SCN3B: variants seen among roughly 807,000 people sequenced by gnomAD.
The protein encoded by SCN3B is sodium voltage-gated channel beta subunit 3, also known as sodium channel regulatory subunit beta-3.
In SCN3B, 11 loss-of-function variants were observed where a neutral mutation model predicts 25.4. The ratio of observed to expected loss-of-function variants is 0.43; its 90% CI spans 0.27 to 0.72. The LOEUF (loss-of-function observed/expected upper bound fraction) is 0.72, where lower values mean the gene tolerates loss of function less well. SCN3B is among the 30% of genes least tolerant of loss of function. SCN3B has a pLI of 0.18. For missense variants in SCN3B, 218 were observed against 278.3 expected (o/e 0.78, Z 1.54); for synonymous variants, 109 against 110.7 (o/e 0.99, Z 0.09).
chr11:123,645,036 TAGG>T (rs768556337), intron 3 of SCN3B, among the ~76,000 whole-genome samples: 3 of 151,806 alleles, frequency 2.0e-5, no homozygotes, highest in African/African-American at 7.3e-5. Context: ...TTCAGCCACT[TAGG>T]AGACTCGGCA....
chr11:123,648,016 AT>A (rs1955873766), intron 2 of SCN3B, among the ~76,000 whole-genome samples: 1 of 152,346 alleles, frequency 6.6e-6, no homozygotes, highest in African/African-American at 2.4e-5. Flanking sequence ...AGTCTGAAGT[AT>A]TGATTATAGA....
In SCN3B at chr11:123,633,040, A is replaced by G. The variant is rs1041951738; in HGVS notation, c.*759T>C. On this transcript the variant is annotated 3_prime_UTR_variant, in exon 7 of 7. Coordinates refer to ENST00000299333, the MANE Select transcript of SCN3B (RefSeq NM_001040151.2). ...GTGTGCCCACAGGGAGGGCACACAT[A>G]CATTATCGCAATAGGATCAGGAACG... 1.3e-5 allele frequency: 2 copies of G among 152,234 alleles called. No individual in the cohort carries two copies. The highest frequency in any genetic ancestry group is 2.9e-5 in the Non-Finnish European group (2 of 68,042). 9.4% of individuals were successfully genotyped at this position (152,234 alleles called of 1,614,324 possible).
At chr11:123,640,011 C>T (rs1439061063) in intron 4 of SCN3B, 1 of 152,170 alleles carries the variant, frequency 6.6e-6, no homozygotes, top group East Asian at 1.9e-4. Context: ...TGCAGTTATC[C>T]ATTGGATCTA....
In SCN3B at chr11:123,629,280, G is replaced by C. The variant is rs1407812870; in HGVS notation, c.*4519C>G. The stretch of plus-strand genomic sequence containing the variant: ...CGTTGTTGAGGGCTTAGGTGGTCAG[G>C]AACATTTCCAGAGTTTGGATTGTGT... On this transcript the variant is annotated 3_prime_UTR_variant, in exon 7 of 7. Transcript: ENST00000299333. The C allele has an allele frequency of 6.6e-6, 1 of 152,200 alleles. No homozygotes were observed. Among genetic ancestry groups the C allele is most frequent in the African/African-American group, 2.4e-5 (1 of 41,444 alleles). The allele number at this position is 152,200 out of a possible 1,614,324, so 9.4% of individuals were successfully genotyped here.
rs1376811489 is a variant in SCN3B at position 123,642,897 on chromosome 11, C to T, written c.220-226G>A. Among the ~76,000 whole-genome samples the T allele has an allele frequency of 6.6e-6, 1 of 151,790 alleles. No individual in the cohort carries two copies. Among genetic ancestry groups the T allele is most frequent in the Non-Finnish European group, 1.5e-5 (1 of 67,942 alleles). ...AAGGACAGGCAGAGGCAGCAGGCAT[C>T]AGGGCATGTGGACGTGGTGAGGACA... On this transcript the variant is annotated intron_variant, in intron 3 of 6. Coordinates refer to ENST00000299333, the MANE Select transcript of SCN3B (RefSeq NM_001040151.2). This position sits in a 1 kb window ranked among gnomAD's most constrained non-coding sequence, Gnocchi z 4.3.
chr11:123,644,796 AGAGAATATATAT>A (rs1295031708), intron 3 of SCN3B, among the ~76,000 whole-genome samples: 28 of 53,458 alleles, frequency 5.2e-4, no homozygotes, highest in Admixed American at 2.6e-3. Context: ...AGAGAGAGAG[AGAGAATATATAT>A]ATATATATAT....
Position 123,642,130 on chromosome 11 carries a change from G to A in SCN3B, c.445+316C>T, listed in dbSNP as rs954956316. On this transcript the variant is annotated intron_variant, in intron 4 of 6. Transcript: ENST00000299333. This position sits in a 1 kb window ranked among gnomAD's most constrained non-coding sequence, Gnocchi z 4.3. ...CAGGGATTCAACATAGGCCAAAGAA[G>A]AAGGCCTAGCTGAATCAGTAGCTTT... Among the ~76,000 whole-genome samples the A allele has an allele frequency of 2.1e-4, 32 of 152,312 alleles. No homozygotes were observed. The highest frequency in any genetic ancestry group is 7.5e-4 in the African/African-American group (31 of 41,564).
intron 4 of SCN3B, chr11:123,641,153 A>ACC (rs72552142): frequency 2.0e-5 from 3 of 152,332 alleles, no homozygotes; most frequent in African/African-American, 7.3e-5. Context: ...CCAGGGCCCC[A>ACC]CCCCCCAGAG....
In SCN3B at chr11:123,632,808, A is replaced by C. The variant is rs1955687087; in HGVS notation, c.*991T>G. 6.6e-6 allele frequency: 1 copy of C among 152,362 alleles called. No individual in the cohort carries two copies. The highest frequency in any genetic ancestry group is 2.4e-5 in the African/African-American group (1 of 41,438). The allele number at this position is 152,362 out of a possible 1,614,324, so 9.4% of individuals were successfully genotyped here. On this transcript the variant is annotated 3_prime_UTR_variant, in exon 7 of 7. Coordinates refer to ENST00000299333, the MANE Select transcript of SCN3B (RefSeq NM_001040151.2). Reference sequence around the variant, plus strand: ...ATCTCAAACAAAAAAAACAAAAAACAAAACAAACAAAAACATCCATCCCAG... The same window carrying C: ...ATCTCAAACAAAAAAAACAAAAAACCAAACAAACAAAAACATCCATCCCAG...
intron 5 of SCN3B, among the ~76,000 whole-genome samples, chr11:123,635,673 G>A (rs547256052): frequency 1.7e-4 from 26 of 150,978 alleles, no homozygotes; most frequent in African/African-American, 6.3e-4. Context: ...GCAACAGAGC[G>A]AGACTCTGTC....
chr11:123,644,800 A>AGAGAGAGAGAGAGAATAT (rs1272015067), intron 3 of SCN3B, among the ~76,000 whole-genome samples: 3 of 45,578 alleles, frequency 6.6e-5, no homozygotes, highest in African/African-American at 2.3e-4. Flanking sequence ...AGAGAGAGAG[A>AGAGAGAGAGAGAGAATAT]ATATATATAT....
intron 5 of SCN3B, among the ~76,000 whole-genome samples, chr11:123,636,787 A>G (rs532815034): frequency 6.6e-6 from 1 of 151,432 alleles, no homozygotes; most frequent in South Asian, 2.1e-4. Flanking sequence ...TCCGCCTCCC[A>G]GGTTCACGCC....
intron 3 of SCN3B, among the ~76,000 whole-genome samples, chr11:123,644,911 T>C (rs1222779108): frequency 6.7e-6 from 1 of 148,904 alleles, no homozygotes; most frequent in Non-Finnish European, 1.5e-5. Flanking sequence ...ACTTTGCCAC[T>C]GGCACCAACC....
chr11:123,644,856 T>TAC (rs1403771515), intron 3 of SCN3B, among the ~76,000 whole-genome samples: 1 of 142,490 alleles, frequency 7.0e-6, no homozygotes, highest in Admixed American at 7.0e-5. Flanking sequence ...CACACATATA[T>TAC]ACACACACAC....
intron 2 of SCN3B, among the ~76,000 whole-genome samples, chr11:123,650,113 T>C (rs901941675): frequency 6.6e-6 from 1 of 152,188 alleles, no homozygotes; most frequent in Non-Finnish European, 1.5e-5. Flanking sequence ...CTTGGAATAA[T>C]GTTGACCAAA....
chr11:123,643,857 G>A (rs1409711932), intron 3 of SCN3B, among the ~76,000 whole-genome samples: 2 of 152,196 alleles, frequency 1.3e-5, no homozygotes, highest in African/African-American at 4.8e-5. Context: ...CTTCATTGAC[G>A]TGTCACTGTC....
At chr11:123,648,613 G>C (rs1368439189) in intron 2 of SCN3B, among the ~76,000 whole-genome samples, 2 of 149,540 alleles carry the variant, frequency 1.3e-5, no homozygotes, top group African/African-American at 4.9e-5. Flanking sequence ...TAAAACAGGA[G>C]AGAGTGTGTG....
chr11:123,644,810 T>G (rs1275229097), intron 3 of SCN3B, among the ~76,000 whole-genome samples: 11 of 61,512 alleles, frequency 1.8e-4, no homozygotes, highest in Admixed American at 8.8e-4. Context: ...AATATATATA[T>G]ATATATATAT....
chr11:123,653,128 G>T (rs1333839276), intron 2 of SCN3B, among the ~76,000 whole-genome samples: 1 of 150,516 alleles, frequency 6.6e-6, no homozygotes, highest in African/African-American at 2.5e-5. Context: ...AGTTCCACAG[G>T]TTCATGCAAC....
Sources: gnomAD v4.1 joint callset for allele counts (sites outside exome capture counted in the v4.1 genomes callset) on GRCh38, gnomAD v4.1.1 for gene constraint, Gnocchi (gnomAD v3.1) non-coding constraint, MANE v1.5 for transcripts, NCBI Gene and HGNC (gene_info 2026-07-23, HGNC 2026-07-21) for gene names.